Variants in CNTN5 observed in about 807,000 individuals in gnomAD.
The protein encoded by CNTN5 is contactin-5.
Under a neutral mutation model 129.1 loss-of-function variants are expected in CNTN5, and 77 were observed. That is an observed-to-expected ratio of 0.60 (90% CI 0.50 to 0.72). The LOEUF is 0.72. Among genes scored for constraint, CNTN5 ranks in the 30% least tolerant of loss-of-function variants. CNTN5 has a pLI of 0.00. For missense variants in CNTN5, 1,478 were observed against 1,328.8 expected (o/e 1.11, Z -1.75); for synonymous variants, 509 against 465.6 (o/e 1.09, Z -1.20).
chr11:99,109,123 ATATG>A (rs1857660215), intron 1 of CNTN5, among the ~76,000 whole-genome samples: 1 of 151,684 alleles, frequency 6.6e-6, no homozygotes, highest in African/African-American at 2.4e-5. Flanking sequence ...GTACATGTCT[ATATG>A]TATATATACA....
chr11:99,404,470 T>C (rs1941981691), intron 2 of CNTN5, among the ~76,000 whole-genome samples: 1 of 149,076 alleles, frequency 6.7e-6, no homozygotes, highest in South Asian at 2.1e-4. Context: ...GGTGATTTTC[T>C]TTGGTGCTAT....
intron 1 of CNTN5, among the ~76,000 whole-genome samples, chr11:99,102,731 C>T (rs1221664465): frequency 1.3e-5 from 2 of 152,184 alleles, no homozygotes; most frequent in Non-Finnish European, 2.9e-5. Flanking sequence ...CAACAAGTCT[C>T]TGGGAAGTTA....
intron 6 of CNTN5, among the ~76,000 whole-genome samples, chr11:99,851,280 T>G (rs1208627114): frequency 1.3e-5 from 2 of 152,184 alleles, no homozygotes; most frequent in Non-Finnish European, 2.9e-5. Context: ...TGAACTGGTT[T>G]TTAAGGTTAA....
At chr11:99,896,099 T>G (rs1227375090) in intron 6 of CNTN5, among the ~76,000 whole-genome samples, 1 of 152,068 alleles carries the variant, frequency 6.6e-6, no homozygotes, top group African/African-American at 2.4e-5. Context: ...CACTGCTGCC[T>G]TCACTCCTCC....
chr11:100,280,498 A>G lies in CNTN5; in HGVS notation c.2314+9257A>G, dbSNP rs370465370. On this transcript the variant is annotated intron_variant, in intron 18 of 24. Coordinates refer to ENST00000524871, the MANE Select transcript of CNTN5 (RefSeq NM_014361.4). ...ATTTTTTTCTCATATGAATATAGCT[A>G]CTACTGCTCTTTTGTGATTTCCACT... is the stretch of plus-strand genomic sequence containing the variant. Among the ~76,000 whole-genome samples, 8 of 151,992 alleles carry G rather than the reference A, an allele frequency of 5.3e-5. No homozygotes were observed. The East Asian group carries it at 9.6e-4, about 18-fold the overall frequency.
chr11:99,887,834 G>T (rs1041738769), intron 6 of CNTN5, among the ~76,000 whole-genome samples: 2 of 152,200 alleles, frequency 1.3e-5, no homozygotes, highest in African/African-American at 4.8e-5. Flanking sequence ...CTTCACTCTA[G>T]CCTAGCCATG....
chr11:99,853,968 C>G (rs1026121846), intron 6 of CNTN5, among the ~76,000 whole-genome samples: 4 of 152,130 alleles, frequency 2.6e-5, no homozygotes, highest in African/African-American at 7.2e-5. Flanking sequence ...CTGCCTTGTT[C>G]AACTCAAAAC....
chr11:100,001,640 T>C (rs963203763), intron 8 of CNTN5, among the ~76,000 whole-genome samples: 1 of 152,234 alleles, frequency 6.6e-6, no homozygotes, highest in Admixed American at 6.5e-5. Flanking sequence ...ATGCCGTGCA[T>C]ATTATAGATA....
At chr11:99,764,766 T>G (rs1197582369) in intron 3 of CNTN5, among the ~76,000 whole-genome samples, 1 of 152,188 alleles carries the variant, frequency 6.6e-6, no homozygotes, top group African/African-American at 2.4e-5. Context: ...AAAATAGAAT[T>G]TGGAATCTGG....
At chr11:99,778,726 AT>A (rs1945210178) in intron 3 of CNTN5, among the ~76,000 whole-genome samples, 1 of 151,898 alleles carries the variant, frequency 6.6e-6, no homozygotes, top group Non-Finnish European at 1.5e-5. Flanking sequence ...CTAAAAAAAA[AT>A]CAATGTATTA....
chr11:99,268,241 T>C (rs886274379), intron 1 of CNTN5, among the ~76,000 whole-genome samples: 3 of 151,942 alleles, frequency 2.0e-5, no homozygotes, highest in African/African-American at 7.2e-5. Context: ...GAAAGGTGCC[T>C]AGAAGCCAAT....
intron 3 of CNTN5, among the ~76,000 whole-genome samples, chr11:99,747,712 T>C (rs1944100838): frequency 6.6e-6 from 1 of 152,072 alleles, no homozygotes; most frequent in Admixed American, 6.5e-5. Flanking sequence ...GACCTTGTGA[T>C]CCACCCGCCT....
At chr11:100,304,579 G>T (rs2138909026) in intron 20 of CNTN5, among the ~76,000 whole-genome samples, 1 of 151,636 alleles carries the variant, frequency 6.6e-6, no homozygotes, top group African/African-American at 2.4e-5. Flanking sequence ...GCAAGATCTA[G>T]AAATAGCCCA....
chr11:99,078,682 C>A (rs1273753088), intron 1 of CNTN5, among the ~76,000 whole-genome samples: 1 of 152,132 alleles, frequency 6.6e-6, no homozygotes, highest in Non-Finnish European at 1.5e-5. Context: ...GTGAAATAAT[C>A]CAGGCACAGA....
intron 8 of CNTN5, among the ~76,000 whole-genome samples, chr11:100,001,766 G>A (rs914252913): frequency 1.3e-5 from 2 of 152,110 alleles, no homozygotes; most frequent in African/African-American, 2.4e-5. Context: ...ATTAGTAACT[G>A]TACTACTAAT....
intron 2 of CNTN5, among the ~76,000 whole-genome samples, chr11:99,509,745 A>G (rs1207880292): frequency 6.6e-6 from 1 of 152,088 alleles, no homozygotes; most frequent in Non-Finnish European, 1.5e-5. Flanking sequence ...TGAGAAAAAA[A>G]GAGATTATTG....
At chr11:99,773,588 T>C (rs1169943747) in intron 3 of CNTN5, among the ~76,000 whole-genome samples, 1 of 151,918 alleles carries the variant, frequency 6.6e-6, no homozygotes, top group Admixed American at 6.6e-5. Flanking sequence ...GCCTTACACA[T>C]AGGAAAAAAA....
intron 2 of CNTN5, among the ~76,000 whole-genome samples, chr11:99,456,500 A>T (rs544072239): frequency 6.6e-6 from 1 of 152,154 alleles, no homozygotes; most frequent in Non-Finnish European, 1.5e-5. Context: ...GTGTTATCTA[A>T]ATCAATCTCC....
intron 2 of CNTN5, among the ~76,000 whole-genome samples, chr11:99,365,607 T>C (rs1939399272): frequency 6.6e-6 from 1 of 152,186 alleles, no homozygotes; most frequent in African/African-American, 2.4e-5. Flanking sequence ...GTATAAGAAA[T>C]TGGTTATTAT....
Sources: gnomAD v4.1 joint callset for allele counts (sites outside exome capture counted in the v4.1 genomes callset) on GRCh38, gnomAD v4.1.1 for gene constraint, MANE v1.5 for transcripts, NCBI Gene and HGNC (gene_info 2026-07-23, HGNC 2026-07-21) for gene names.